The following ZBTB46 variants were observed in gnomAD, a reference collection of about 807,000 sequenced individuals.
The protein encoded by ZBTB46 is zinc finger and BTB domain containing 46, also known as zinc finger and BTB domain-containing protein 46.
In ZBTB46, 8 loss-of-function variants were observed where a neutral mutation model predicts 44.1. The ratio of observed to expected loss-of-function variants is 0.18; its 90% CI spans 0.11 to 0.33. The LOEUF (loss-of-function observed/expected upper bound fraction) is 0.33. Among genes scored for constraint, ZBTB46 ranks in the 10% least tolerant of loss-of-function variants. ZBTB46 has a pLI of 1.00. For synonymous variants in ZBTB46, 409 were observed against 382.3 expected (o/e 1.07, Z -0.81); for missense variants, 651 against 847.7 (o/e 0.77, Z 2.88).
chr20:63,751,456 A>G (rs947388078), intron 4 of ZBTB46, among the ~76,000 whole-genome samples: 2 of 152,096 alleles, frequency 1.3e-5, no homozygotes, highest in Admixed American at 6.5e-5. Flanking sequence ...CTTCGCCCAC[A>G]GCCGGCCAGG....
At chr20:63,779,223 T>A (rs6089992) in intron 2 of ZBTB46, among the ~76,000 whole-genome samples, 82,292 of 151,260 alleles carry the variant, frequency 0.54, 22,547 homozygotes, top group South Asian at 0.62. Context: ...AATTTTATTT[T>A]ATTTAATTAA....
chr20:63,762,539 A>G (rs1835646386), intron 3 of ZBTB46, among the ~76,000 whole-genome samples: 1 of 152,120 alleles, frequency 6.6e-6, no homozygotes, highest in Admixed American at 6.6e-5. Context: ...CTGTACTGCC[A>G]GCTACTTGGG....
Position 63,747,277 on chromosome 20 carries a change from C to A in ZBTB46, c.1423G>T (p.Val475Leu). The A allele has an allele frequency of 6.7e-7, 1 of 1,499,046 alleles. No individual in the cohort carries two copies. The allele number at this position is 1,499,046 out of a possible 1,614,324, so 92.9% of individuals were successfully genotyped here. A position where few individuals can be genotyped will look rare whatever the true frequency, so the allele number is the denominator to read the frequency against. Residue 475 changes from valine to leucine, a missense_variant, in exon 5 of 5, where the codon GTG becomes TTG. Physicochemically the swap from Val to Leu is conservative, Grantham distance 32 (BLOSUM62 1). Transcript: ENST00000245663. ...AAGACGCGGCTGCACACCTTGCACA[C>A]ATACTTCTTGTCCTTGCTGTGGACC... ...TLVHSKDKKY[V>L]CKVCSRVFMS...
chr20:63,798,673 TCAA>T (rs2092621151), intron 1 of ZBTB46, among the ~76,000 whole-genome samples: 1 of 2,022 alleles, frequency 4.9e-4, no homozygotes, highest in Admixed American at 5.1e-3. Context: ...AGACTCTGTC[TCAA>T]AAAAAAAAAA....
chr20:63,813,384 G>A (rs2092728920), intron 1 of ZBTB46, among the ~76,000 whole-genome samples: 1 of 151,808 alleles, frequency 6.6e-6, no homozygotes, highest in South Asian at 2.1e-4. Flanking sequence ...AGGAGGCAGA[G>A]GTTATAGTGA....
intron 1 of ZBTB46, among the ~76,000 whole-genome samples, chr20:63,829,833 C>T (rs1287439542): frequency 6.6e-6 from 1 of 152,208 alleles, no homozygotes; most frequent in Non-Finnish European, 1.5e-5. Flanking sequence ...GAGATGTATC[C>T]AGTCTGTTAC....
intron 1 of ZBTB46, among the ~76,000 whole-genome samples, chr20:63,817,187 A>G (rs1252987785): frequency 6.6e-6 from 1 of 152,164 alleles, no homozygotes; most frequent in Non-Finnish European, 1.5e-5. Context: ...GGGGAGGCAG[A>G]GGCAGGAGGA....
intron 3 of ZBTB46, among the ~76,000 whole-genome samples, chr20:63,770,178 T>G (rs1163484375): frequency 6.6e-6 from 1 of 152,198 alleles, no homozygotes; most frequent in African/African-American, 2.4e-5. Context: ...CGGCGGCGCA[T>G]CCTCGGCTTG....
chr20:63,764,971 T>TGCAATGGCGCGGTCTCG (rs947515692), intron 3 of ZBTB46, among the ~76,000 whole-genome samples: 3 of 151,860 alleles, frequency 2.0e-5, no homozygotes, highest in Non-Finnish European at 4.4e-5. Context: ...CAGGCTGGAG[T>TGCAATGGCGCGGTCTCG]GCAATGGCGC....
At chr20:63,800,153 G>T (rs1472616279) in intron 1 of ZBTB46, among the ~76,000 whole-genome samples, 1 of 152,198 alleles carries the variant, frequency 6.6e-6, no homozygotes, top group African/African-American at 2.4e-5. Context: ...GCACCCTGGG[G>T]CACCTCCCTG....
In ZBTB46 at chr20:63,787,273, C is replaced by T. The variant is rs2092523888; in HGVS notation, c.937+2548G>A. Among the ~76,000 whole-genome samples the T allele has an allele frequency of 6.6e-6, 1 of 152,010 alleles. No individual in the cohort carries two copies. Among genetic ancestry groups the T allele is most frequent in the Non-Finnish European group, 1.5e-5 (1 of 67,998 alleles). ...GGTGGCGTGACAGGAATAGCCATCG[C>T]CATCCTAGCCATCGCCATCCTAGCC... On this transcript the variant is annotated intron_variant, in intron 2 of 4. Coordinates refer to ENST00000245663, the MANE Select transcript of ZBTB46 (RefSeq NM_001369741.1). The surrounding 1 kb of genome is among the most constrained non-coding windows in gnomAD (Gnocchi z 4.6).
Position 63,803,310 on chromosome 20 carries a change from A to C in ZBTB46, c.-33-12520T>G. 1.0e-6 allele frequency: 1 copy of C among 985,272 alleles called. No individual in the cohort carries two copies. The highest frequency in any genetic ancestry group is 1.2e-6 in the Non-Finnish European group (1 of 829,758). The allele number at this position is 985,272 out of a possible 1,614,324, so 61.0% of individuals were successfully genotyped here. A position where few individuals can be genotyped will look rare whatever the true frequency, so the allele number is the denominator to read the frequency against. ...ATGAATACTGTGAAACTGTCGTACA[A>C]ATTAAATTTCATATACATCATATTA... On this transcript the variant is annotated intron_variant, in intron 1 of 4. Transcript: ENST00000245663. The surrounding 1 kb of genome is among the most constrained non-coding windows in gnomAD (Gnocchi z 4.0).
intron 3 of ZBTB46, among the ~76,000 whole-genome samples, chr20:63,774,710 GTT>G (rs35449826): frequency 1.8e-5 from 1 of 54,450 alleles, no homozygotes; most frequent in African/African-American, 6.4e-5. Flanking sequence ...TTTTTTTTTT[GTT>G]TTTTTTTTTG....
intron 3 of ZBTB46, chr20:63,769,136 G>A (rs2092345624): frequency 2.1e-6 from 2 of 967,554 alleles, no homozygotes; most frequent in Non-Finnish European, 2.5e-6. Flanking sequence ...TGCCTCCTCG[G>A]AGGTGCCCGG....
upstream of ZBTB46, chr20:63,831,319 G>T (rs1269268049): frequency 7.9e-6 from 1 of 126,204 alleles, no homozygotes; most frequent in Non-Finnish European, 1.7e-5. Context: ...CGCGCGCCCC[G>T]CCCGCGGACC....
At chr20:63,761,675 G>A (rs773263792) in intron 3 of ZBTB46, among the ~76,000 whole-genome samples, 77 of 151,806 alleles carry the variant, frequency 5.1e-4, no homozygotes, top group Non-Finnish European at 6.5e-4. Context: ...CCAGCTACTC[G>A]GGAGGCTGCA....
At chr20:63,749,302 A>G (rs371642244) in intron 4 of ZBTB46, among the ~76,000 whole-genome samples, 1 of 152,122 alleles carries the variant, frequency 6.6e-6, no homozygotes, top group South Asian at 2.1e-4. Context: ...ACTTGGTGCC[A>G]GAACTGCTCC....
intron 1 of ZBTB46, among the ~76,000 whole-genome samples, chr20:63,809,961 CAAAAAA>C (rs61473496): frequency 7.4e-6 from 1 of 135,984 alleles, no homozygotes; most frequent in Admixed American, 7.4e-5. Flanking sequence ...GGCCCTCTCT[CAAAAAA>C]AAAAAAAGAA....
At chr20:63,817,920 C>G (rs902673700) in intron 1 of ZBTB46, among the ~76,000 whole-genome samples, 3 of 152,124 alleles carry the variant, frequency 2.0e-5, no homozygotes, top group African/African-American at 7.2e-5. Context: ...CCGTCCACCC[C>G]GATGCTGGGT....
Sources: gnomAD v4.1 joint callset for allele counts (sites outside exome capture counted in the v4.1 genomes callset) on GRCh38, gnomAD v4.1.1 for gene constraint, Gnocchi (gnomAD v3.1) non-coding constraint, MANE v1.5 for transcripts, NCBI Gene and HGNC (gene_info 2026-07-23, HGNC 2026-07-21) for gene names.